Variants in ST18 observed in about 807,000 individuals in gnomAD.
ST18 encodes the protein suppression of tumorigenicity 18 protein.
Under a neutral mutation model 110.0 loss-of-function variants are expected in ST18, and 50 were observed. That is an observed-to-expected ratio of 0.45 (90% CI 0.36 to 0.58). The LOEUF (loss-of-function observed/expected upper bound fraction) is 0.58, where lower values mean the gene tolerates loss of function less well. Ranked by LOEUF, ST18 falls within the 20% of genes least tolerant of loss-of-function variation. ST18 has a pLI of 0.00. For synonymous variants in ST18, 461 were observed against 452.4 expected (o/e 1.02, Z -0.24); for missense variants, 1,306 against 1,280.1 (o/e 1.02, Z -0.31).
intron 3 of ST18, among the ~76,000 whole-genome samples, chr8:52,225,352 AT>A (rs2136588583): frequency 6.6e-6 from 1 of 152,368 alleles, no homozygotes; most frequent in South Asian, 2.1e-4. Flanking sequence ...AAAAAGTTGC[AT>A]GCTGTAAACA....
intron 2 of ST18, among the ~76,000 whole-genome samples, chr8:52,348,611 G>T (rs1441491774): frequency 6.6e-6 from 1 of 152,146 alleles, no homozygotes; most frequent in African/African-American, 2.4e-5. Context: ...AGGCATGGTG[G>T]TGTGCGCCTG....
chr8:52,134,039 AT>A (rs2050957647), intron 19 of ST18, among the ~76,000 whole-genome samples: 5 of 152,184 alleles, frequency 3.3e-5, no homozygotes. Context: ...CCTCCAAATG[AT>A]TTTTATGAAT....
At chr8:52,378,381 T>A (rs1030449640) in intron 2 of ST18, among the ~76,000 whole-genome samples, 3 of 152,172 alleles carry the variant, frequency 2.0e-5, no homozygotes, top group Non-Finnish European at 2.9e-5. Context: ...AACTATAAGG[T>A]ATCTATAATA....
chr8:52,373,872 G>A (rs925344321), intron 2 of ST18, among the ~76,000 whole-genome samples: 4 of 152,022 alleles, frequency 2.6e-5, no homozygotes, highest in South Asian at 2.1e-4. Context: ...ATGCTGACCC[G>A]GCTCCTATAA....
chr8:52,366,674 G>A (rs2140521027), intron 2 of ST18, among the ~76,000 whole-genome samples: 1 of 152,230 alleles, frequency 6.6e-6, no homozygotes, highest in African/African-American at 2.4e-5. Flanking sequence ...TGAACTGTAT[G>A]AAAAGCACCC....
intron 2 of ST18, among the ~76,000 whole-genome samples, chr8:52,341,874 T>A (rs1815199743): frequency 2.1e-4 from 1 of 4,662 alleles, no homozygotes; most frequent in Non-Finnish European, 0.011. Flanking sequence ...GGACAGCTGG[T>A]GTGGAGGATC....
intron 2 of ST18, among the ~76,000 whole-genome samples, chr8:52,254,745 TG>T: frequency 6.6e-6 from 1 of 152,300 alleles, no homozygotes; most frequent in South Asian, 2.1e-4. Context: ...GTTCTGATTT[TG>T]TGAGTGAATG....
At chr8:52,349,781 G>A (rs1332894521) in intron 2 of ST18, among the ~76,000 whole-genome samples, 3 of 152,102 alleles carry the variant, frequency 2.0e-5, no homozygotes, top group Non-Finnish European at 4.4e-5. Context: ...TGTGAGGAGT[G>A]TTATATAAAG....
At chr8:52,396,534 A>G (rs2141035264) in intron 2 of ST18, among the ~76,000 whole-genome samples, 2 of 152,336 alleles carry the variant, frequency 1.3e-5, no homozygotes, top group East Asian at 1.9e-4. Flanking sequence ...TAATTTATAA[A>G]GAAAAGAAGT....
chr8:52,142,852 A>G, intron 17 of ST18, 78 bp downstream of exon 17: 1 of 1,084,232 alleles, frequency 9.2e-7, no homozygotes, highest in Non-Finnish European at 1.4e-6. Flanking sequence ...TGTATAAGCC[A>G]GGATATTGTA....
At chr8:52,168,392 AT>A (rs2063707910) in intron 10 of ST18, among the ~76,000 whole-genome samples, 1 of 151,780 alleles carries the variant, frequency 6.6e-6, no homozygotes, top group Admixed American at 6.6e-5. Context: ...CTGTCACGGG[AT>A]GCGACAGACA....
rs74455748 is a variant in ST18 at position 52,118,204 on chromosome 8, A to G, written c.2859+134T>C. On this transcript the variant is annotated intron_variant, in intron 24 of 25. Transcript: ENST00000689386. ...ACCTATTCAGAATTTTACAATAATT[A>G]TGGAATCTAGAAACACTCAGCATAT... is the stretch of plus-strand genomic sequence containing the variant. 8.3e-3 allele frequency: 4,841 copies of G among 583,182 alleles called. 119 individuals are homozygous for G. Among genetic ancestry groups the G allele is most frequent in the East Asian group, 0.074 (2,463 of 33,168 alleles). The allele number at this position is 583,182 out of a possible 1,614,324, so 36.1% of individuals were successfully genotyped here. A position where few individuals can be genotyped will look rare whatever the true frequency, so the allele number is the denominator to read the frequency against.
chr8:52,306,011 G>A (rs1397026575), intron 2 of ST18, among the ~76,000 whole-genome samples: 2 of 152,168 alleles, frequency 1.3e-5, no homozygotes, highest in Non-Finnish European at 2.9e-5. Context: ...CAGACCCAGT[G>A]GCTCTCTGTG....
At chr8:52,371,840 C>A (rs1564602410) in intron 2 of ST18, among the ~76,000 whole-genome samples, 1 of 152,180 alleles carries the variant, frequency 6.6e-6, no homozygotes, top group Admixed American at 6.5e-5. Flanking sequence ...GAGTAAGCAA[C>A]CCTACTGCAC....
At chr8:52,130,281 T>C (rs890488123) in intron 22 of ST18, among the ~76,000 whole-genome samples, 3 of 152,176 alleles carry the variant, frequency 2.0e-5, no homozygotes, top group Admixed American at 6.5e-5. Context: ...ATGATGTGTA[T>C]TTGCAGTTAA....
rs201977608 is a variant in ST18, at chr8:52,324,301, T to TGATGGATG, written c.-465+85019_-465+85026dup. On this transcript the variant is annotated intron_variant, in intron 2 of 25. Transcript: ENST00000689386. ...TAGCAGTCAATTACAGGTTGATAGA[T>TGATGGATG]GATGGATGGATGGATGGATGGATGG... 1.7e-3 allele frequency among the ~76,000 whole-genome samples: 258 copies of TGATGGATG among 150,944 alleles called. 1 individual carries two copies. Among genetic ancestry groups the TGATGGATG allele is most frequent in the African/African-American group, 4.4e-3 (182 of 40,952 alleles).
At chr8:52,143,115 A>T in intron 16 of ST18, 70 bp from the exon 17 acceptor site, 1 of 958,376 alleles carries the variant, frequency 1.0e-6, no homozygotes, top group Admixed American at 2.0e-5. Flanking sequence ...AACTAGATTT[A>T]AAATCATTGA....
In ST18 at chr8:52,395,605, G is replaced by A. The variant is rs79195592; in HGVS notation, c.-465+13723C>T. Reference sequence around the variant, plus strand: ...CCAAATTACAGACACTGACTTTCTCGTGGTCCATGAGAAAGAACTTAACAT... The same window carrying A: ...CCAAATTACAGACACTGACTTTCTCATGGTCCATGAGAAAGAACTTAACAT... On this transcript the variant is annotated intron_variant, in intron 2 of 25. Transcript: ENST00000689386. 4.5e-3 allele frequency among the ~76,000 whole-genome samples: 681 copies of A among 152,196 alleles called. 5 individuals are homozygous for A. Among genetic ancestry groups the A allele is most frequent in the African/African-American group, 0.016 (657 of 41,520 alleles).
intron 2 of ST18, among the ~76,000 whole-genome samples, chr8:52,334,272 T>A (rs896514212): frequency 3.9e-5 from 6 of 152,222 alleles, no homozygotes; most frequent in Non-Finnish European, 5.9e-5. Context: ...CACTAAAAAA[T>A]GTTACGTTTG....
Sources: allele counts gnomAD v4.1 joint callset (sites outside exome capture counted in the v4.1 genomes callset), GRCh38; gene constraint gnomAD v4.1.1; transcripts MANE v1.5; gene names NCBI Gene and HGNC (gene_info 2026-07-23, HGNC 2026-07-21).